RALYL: variants seen among roughly 807,000 people sequenced by gnomAD.
The protein encoded by RALYL is RALY RNA binding protein like, also known as RNA-binding Raly-like protein.
A neutral mutation model predicts 35.1 loss-of-function variants in RALYL; 29 were observed. That is an observed-to-expected ratio of 0.83 (90% CI 0.61 to 1.13). The LOEUF is 1.13. Among genes scored for constraint, RALYL ranks in the 50% most tolerant of loss-of-function variants. RALYL has a pLI of 0.00. For synonymous variants in RALYL, 120 were observed against 127.6 expected (o/e 0.94, Z 0.40); for missense variants, 359 against 360.4 (o/e 1.00, Z 0.03).
chr8:84,912,951 G>T (rs1398298542), intron 8 of RALYL, among the ~76,000 whole-genome samples: 2 of 151,744 alleles, frequency 1.3e-5, no homozygotes, highest in Non-Finnish European at 2.9e-5. Context: ...CAGTATAAAT[G>T]ATTTAGTTTT....
chr8:84,527,897 G>C (rs1206556028), intron 1 of RALYL, among the ~76,000 whole-genome samples: 2 of 152,028 alleles, frequency 1.3e-5, no homozygotes, highest in East Asian at 3.8e-4. Context: ...TTATAATGTT[G>C]GCTGTCCAAT....
intron 1 of RALYL, among the ~76,000 whole-genome samples, chr8:84,406,623 C>T (rs1454530019): frequency 1.3e-5 from 2 of 151,942 alleles, no homozygotes; most frequent in African/African-American, 2.4e-5. Flanking sequence ...TTTACACAAA[C>T]ATACGCATAC....
At chr8:84,774,864 C>A (rs1816459840) in intron 3 of RALYL, among the ~76,000 whole-genome samples, 2 of 152,116 alleles carry the variant, frequency 1.3e-5, no homozygotes, top group African/African-American at 4.8e-5. Context: ...CTTATACAAC[C>A]CTTCTACGAG....
chr8:84,888,040 C>A (rs971026822), intron 8 of RALYL, among the ~76,000 whole-genome samples: 2 of 152,208 alleles, frequency 1.3e-5, no homozygotes, highest in Admixed American at 6.5e-5. Context: ...GTGAAAGATT[C>A]TCTCCAAAAT....
chr8:84,632,583 CTGTGTG>C (rs112708469), intron 2 of RALYL, among the ~76,000 whole-genome samples: 1 of 145,084 alleles, frequency 6.9e-6, no homozygotes, highest in African/African-American at 2.5e-5. Flanking sequence ...TTATATAGAC[CTGTGTG>C]TGTGTGTGTG....
chr8:84,652,932 G>A lies in RALYL; in HGVS notation c.257-121647G>A, dbSNP rs1829155961. On this transcript the variant is annotated intron_variant, in intron 2 of 8. Transcript: ENST00000521268. ...GATTCAGACATTGCATCAATGTACT[G>A]GAAAACTAGAAATATGGTTTCTACT... 3.3e-5 allele frequency among the ~76,000 whole-genome samples: 5 copies of A among 152,118 alleles called. 1 individual carries two copies. The South Asian group carries it at 1.0e-3, about 32-fold the overall frequency.
chr8:84,863,070 A>T (rs995557512), intron 6 of RALYL, among the ~76,000 whole-genome samples: 6 of 152,322 alleles, frequency 3.9e-5, no homozygotes, highest in Admixed American at 3.3e-4. Context: ...TACAGAAAAA[A>T]ATTTTATTTG....
chr8:84,537,857 T>G (rs1324404543), intron 2 of RALYL, among the ~76,000 whole-genome samples: 1 of 152,202 alleles, frequency 6.6e-6, no homozygotes, highest in Admixed American at 6.5e-5. Context: ...TCTCAGAAAT[T>G]TCTTCCAATA....
At chr8:84,724,258 T>A (rs551074812) in intron 2 of RALYL, among the ~76,000 whole-genome samples, 1 of 151,920 alleles carries the variant, frequency 6.6e-6, no homozygotes, top group Admixed American at 6.6e-5. Context: ...TCTTAATGGT[T>A]GGAAATTTAA....
chr8:84,288,652 A>G (rs16912644), intron 1 of RALYL, among the ~76,000 whole-genome samples: 5,571 of 152,236 alleles, frequency 0.037, 134 homozygotes, highest in East Asian at 0.13. Flanking sequence ...TGTTAACCCC[A>G]TGAATGAGAA....
intron 8 of RALYL, among the ~76,000 whole-genome samples, chr8:84,896,975 T>A (rs376866461): frequency 6.6e-6 from 1 of 152,278 alleles, no homozygotes; most frequent in African/African-American, 2.4e-5. Context: ...AAATACTACA[T>A]GAAATGTACC....
intron 2 of RALYL, among the ~76,000 whole-genome samples, chr8:84,590,406 G>A (rs529522723): frequency 1.3e-4 from 20 of 152,250 alleles, no homozygotes; most frequent in African/African-American, 4.8e-4. Flanking sequence ...TGTCACTCAA[G>A]GTCAAAATAA....
At chr8:84,405,823 C>CTTTTTTTTTTT (rs776007226) in intron 1 of RALYL, among the ~76,000 whole-genome samples, 1 of 118,154 alleles carries the variant, frequency 8.5e-6, no homozygotes, top group East Asian at 2.3e-4. Flanking sequence ...TATTTTCATT[C>CTTTTTTTTTTT]TTTTTTTTTT....
intron 3 of RALYL, among the ~76,000 whole-genome samples, chr8:84,783,292 A>G (rs1818627525): frequency 6.6e-6 from 1 of 152,216 alleles, no homozygotes; most frequent in African/African-American, 2.4e-5. Flanking sequence ...CTCTCCACAA[A>G]GCTAATAGAG....
Position 84,363,097 on chromosome 8 carries a change from G to C in RALYL, c.-23-166202G>C, listed in dbSNP as rs145302783. Among the ~76,000 whole-genome samples, 147 of 152,210 alleles carry C rather than the reference G, an allele frequency of 9.7e-4. 1 individual carries two copies. In the South Asian group the frequency reaches 0.015, roughly 16 times the overall value. On this transcript the variant is annotated intron_variant, in intron 1 of 8. Coordinates refer to ENST00000521268, the MANE Select transcript of RALYL (RefSeq NM_173848.7). Reference sequence around the variant, plus strand: ...GGTGATGGGCATGAAGTTATTGTAGGTGCTCTGGGCAGCTGGATATAAGAC... The same window carrying C: ...GGTGATGGGCATGAAGTTATTGTAGCTGCTCTGGGCAGCTGGATATAAGAC...
rs369481484 is a variant in RALYL at position 84,405,881 on chromosome 8, ACGAT to A, written c.-23-123416_-23-123413del. On this transcript the variant is annotated intron_variant, in intron 1 of 8. Coordinates refer to ENST00000521268, the MANE Select transcript of RALYL (RefSeq NM_173848.7). ...TGCTCTGTCACCCAGGCTCAGTGGC[ACGAT>A]CTCGGCTCACTGCAAGCTCTGCCTC... is the stretch of plus-strand genomic sequence containing the variant. Among the ~76,000 whole-genome samples, 203 of 135,036 alleles carry A rather than the reference ACGAT, an allele frequency of 1.5e-3. 1 individual carries two copies. The highest frequency in any genetic ancestry group is 4.8e-3 in the African/African-American group (166 of 34,770). The allele number at this position is 135,036 out of a possible 152,430, so 88.6% of individuals were successfully genotyped here.
chr8:84,818,850 C>G (rs1056903161), intron 4 of RALYL, among the ~76,000 whole-genome samples: 7 of 152,098 alleles, frequency 4.6e-5, no homozygotes, highest in African/African-American at 1.4e-4. Context: ...TTAAGAATGT[C>G]GAAATCAGTG....
chr8:84,518,485 G>T (rs1362366247), intron 1 of RALYL, among the ~76,000 whole-genome samples: 7 of 152,096 alleles, frequency 4.6e-5, no homozygotes. Context: ...TTATGACATT[G>T]CATCTACAGT....
intron 3 of RALYL, among the ~76,000 whole-genome samples, chr8:84,802,241 ATAT>A (rs758183670): frequency 2.6e-5 from 4 of 152,172 alleles, no homozygotes; most frequent in Non-Finnish European, 5.9e-5. Context: ...GTGTCACAAA[ATAT>A]TATTACTCTT....
Sources: gnomAD v4.1 joint callset for allele counts (sites outside exome capture counted in the v4.1 genomes callset) on GRCh38, gnomAD v4.1.1 for gene constraint, MANE v1.5 for transcripts, NCBI Gene and HGNC (gene_info 2026-07-23, HGNC 2026-07-21) for gene names.